Variants in MAP2 observed in about 807,000 individuals in gnomAD.
The protein encoded by MAP2 is microtubule-associated protein 2.
A neutral mutation model predicts 137.6 loss-of-function variants in MAP2; 14 were observed. The ratio of observed to expected loss-of-function variants is 0.10; its 90% CI spans 0.07 to 0.16. The LOEUF is 0.16. Among genes scored for constraint, MAP2 ranks in the 10% least tolerant of loss-of-function variants. MAP2 has a pLI of 1.00. For missense variants in MAP2, 2,088 were observed against 2,191.5 expected (o/e 0.95, Z 0.94); for synonymous variants, 786 against 782.3 (o/e 1.00, Z -0.08).
chr2:209,575,328 T>C lies in MAP2; in HGVS notation c.-171-4708T>C, dbSNP rs1165197085. Among the ~76,000 whole-genome samples the C allele has an allele frequency of 9.9e-5, 15 of 152,098 alleles. No homozygotes were observed. The East Asian group carries it at 2.1e-3, about 22-fold the overall frequency. On this transcript the variant is annotated intron_variant, in intron 2 of 15. Transcript: ENST00000682079. ...CGAGGTCAGAAGATCGAGACCATCC[T>C]GGCTAACACAGTGAAACCCCGTCTC...
chr2:209,430,462 A>G (rs533837716), intron 1 of MAP2, among the ~76,000 whole-genome samples: 4 of 152,190 alleles, frequency 2.6e-5, no homozygotes, highest in East Asian at 1.9e-4. Flanking sequence ...TTATTATGCA[A>G]TCAGTTGATT....
chr2:209,513,702 G>A (rs288045), intron 2 of MAP2, among the ~76,000 whole-genome samples: 1,767 of 152,054 alleles, frequency 0.012, 36 homozygotes, highest in African/African-American at 0.041. Flanking sequence ...TAGTATTTTT[G>A]TATTCATCTT....
chr2:209,473,989 G>A (rs1706489016), intron 1 of MAP2, among the ~76,000 whole-genome samples: 1 of 152,128 alleles, frequency 6.6e-6, no homozygotes, highest in East Asian at 1.9e-4. Context: ...ATTTCTGTGT[G>A]GTTTCACCAC....
chr2:209,519,264 T>A (rs530554030), intron 2 of MAP2, among the ~76,000 whole-genome samples: 1 of 152,082 alleles, frequency 6.6e-6, no homozygotes, highest in Non-Finnish European at 1.5e-5. Flanking sequence ...ATTACACACA[T>A]GCTTTCAAGA....
At chr2:209,594,572 A>G (rs1474453164) in intron 3 of MAP2, among the ~76,000 whole-genome samples, 3 of 152,168 alleles carry the variant, frequency 2.0e-5, no homozygotes, top group Non-Finnish European at 4.4e-5. Flanking sequence ...AATATCTTCA[A>G]AATTTCTCCT....
chr2:209,456,061 C>T (rs1701468169), intron 1 of MAP2, among the ~76,000 whole-genome samples: 1 of 152,126 alleles, frequency 6.6e-6, no homozygotes, highest in African/African-American at 2.4e-5. Flanking sequence ...CTAAAGCAGC[C>T]ATAAAAAGAA....
intron 4 of MAP2, among the ~76,000 whole-genome samples, chr2:209,641,653 G>A (rs2094031203): frequency 6.7e-6 from 1 of 149,564 alleles, no homozygotes; most frequent in African/African-American, 2.5e-5. Context: ...CTAAATGCAA[G>A]TCCTTAATTC....
At chr2:209,658,115 A>G (rs1458265522) in intron 5 of MAP2, among the ~76,000 whole-genome samples, 1 of 152,222 alleles carries the variant, frequency 6.6e-6, no homozygotes, top group Non-Finnish European at 1.5e-5. Flanking sequence ...CCAAACTCGT[A>G]TTAGAACTTG....
intron 2 of MAP2, among the ~76,000 whole-genome samples, chr2:209,544,682 GGTAAAA>G (rs1258466969): frequency 1.3e-5 from 2 of 152,056 alleles, no homozygotes; most frequent in African/African-American, 2.4e-5. Flanking sequence ...TGAATTATTC[GGTAAAA>G]GTAAAAGAGC....
rs542364644 is a variant in MAP2, at chr2:209,433,050, A to C, written c.-222+8774A>C. Among the ~76,000 whole-genome samples, 24 of 152,236 alleles carry C rather than the reference A, an allele frequency of 1.6e-4. No individual in the cohort carries two copies. In the South Asian group the frequency reaches 3.1e-3, roughly 20 times the overall value. ...ATCATAGCCCATGGTTCATTCACTT[A>C]TTTATTAAACACATGGTTATTGGGT... On this transcript the variant is annotated intron_variant, in intron 1 of 15. Transcript: ENST00000682079.
chr2:209,637,165 G>A (rs544353169), intron 4 of MAP2, among the ~76,000 whole-genome samples: 31 of 152,182 alleles, frequency 2.0e-4, no homozygotes, highest in African/African-American at 6.7e-4. Context: ...AGTTCTGGCC[G>A]GGTGTGGTGG....
At chr2:209,636,357 C>T (rs1464418424) in intron 4 of MAP2, among the ~76,000 whole-genome samples, 1 of 152,040 alleles carries the variant, frequency 6.6e-6, no homozygotes, top group African/African-American at 2.4e-5. Context: ...AGACAGACTG[C>T]TGTGGCACTA....
chr2:209,532,556 G>C (rs1000959374), intron 2 of MAP2, among the ~76,000 whole-genome samples: 1 of 152,162 alleles, frequency 6.6e-6, no homozygotes, highest in East Asian at 1.9e-4. Context: ...TTCAAGTTGA[G>C]ACAGTCTGAA....
chr2:209,499,198 T>C (rs1003755726), intron 1 of MAP2, among the ~76,000 whole-genome samples: 1 of 152,192 alleles, frequency 6.6e-6, no homozygotes, highest in Non-Finnish European at 1.5e-5. Flanking sequence ...ATCTGCCAGA[T>C]ATGCTGTATA....
At chr2:209,530,091 T>C (rs2064872265) in intron 2 of MAP2, among the ~76,000 whole-genome samples, 1 of 152,138 alleles carries the variant, frequency 6.6e-6, no homozygotes, top group African/African-American at 2.4e-5. Context: ...AGATGCTCTC[T>C]GTATTTTTGC....
intron 3 of MAP2, among the ~76,000 whole-genome samples, chr2:209,611,326 G>C (rs1358261172): frequency 1.3e-5 from 2 of 152,004 alleles, no homozygotes; most frequent in Non-Finnish European, 2.9e-5. Flanking sequence ...TTTTTAACCA[G>C]GATCCCAGGT....
At chr2:209,568,524 A>C (rs1172596731) in intron 2 of MAP2, among the ~76,000 whole-genome samples, 1 of 151,944 alleles carries the variant, frequency 6.6e-6, no homozygotes, top group East Asian at 1.9e-4. Context: ...CTGGCTCTCC[A>C]ATTCAGTGAA....
At chr2:209,728,578 T>C (rs2074952034) in intron 14 of MAP2, among the ~76,000 whole-genome samples, 1 of 152,258 alleles carries the variant, frequency 6.6e-6, no homozygotes, top group Non-Finnish European at 1.5e-5. Flanking sequence ...GGTATTAACA[T>C]AGATGTCTAG....
chr2:209,704,308 C>T, intron 11 of MAP2: 1 of 669,296 alleles, frequency 1.5e-6, no homozygotes, highest in African/African-American at 1.8e-5. Flanking sequence ...GTACACATCT[C>T]TATCATTGAT....
Sources: allele counts gnomAD v4.1 joint callset (sites outside exome capture counted in the v4.1 genomes callset), GRCh38; gene constraint gnomAD v4.1.1; transcripts MANE v1.5; gene names NCBI Gene and HGNC (gene_info 2026-07-23, HGNC 2026-07-21).